The following ADRA1A variants were observed in gnomAD, a reference collection of about 807,000 sequenced individuals.
ADRA1A encodes the protein adrenoceptor alpha 1A.
A neutral mutation model predicts 29.6 loss-of-function variants in ADRA1A; 31 were observed. The observed-to-expected ratio is 1.05, with a 90% CI of 0.79 to 1.41. The LOEUF is 1.41. ADRA1A is among the 40% of genes most tolerant of loss of function. ADRA1A has a pLI of 0.00. For missense variants in ADRA1A, 619 were observed against 601.1 expected, an observed-to-expected ratio of 1.03 and a Z score of -0.31; for synonymous variants, 311 against 254.3, an observed-to-expected ratio of 1.22 and a Z score of -2.12.
chr8:26,754,664 T>C (rs188647410), downstream of ADRA1A, among the ~76,000 whole-genome samples: 90 of 152,230 alleles, frequency 5.9e-4, no homozygotes, highest in Admixed American at 1.6e-3. Context: ...ACCGGGTTCA[T>C]GGTTAAATGG....
chr8:26,759,402 C>T (rs1026454621), intron 2 of ADRA1A, among the ~76,000 whole-genome samples: 2 of 152,056 alleles, frequency 1.3e-5, no homozygotes, highest in African/African-American at 2.4e-5. Context: ...AGAAAACTAG[C>T]AATGGATTGT....
intron 2 of ADRA1A, among the ~76,000 whole-genome samples, chr8:26,819,201 C>T (rs1809980211): frequency 6.6e-6 from 1 of 152,104 alleles, no homozygotes; most frequent in African/African-American, 2.4e-5. Context: ...AGACTGCCAA[C>T]AAAGCTGTCC....
In ADRA1A at chr8:26,769,856, A is replaced by C. The variant is rs1806008442; in HGVS notation, c.*293T>G. On this transcript the variant is annotated 3_prime_UTR_variant, in exon 3 of 3. Transcript: ENST00000380573. ...TTTATAGTCTTTTGGATTGTGCATG[A>C]AATTCTGTTTCCCATGGTGGTTTTC... 43 of 1,151,688 alleles carry C rather than the reference A, an allele frequency of 3.7e-5. No individual in the cohort carries two copies. Among genetic ancestry groups the C allele is most frequent in the Non-Finnish European group, 4.6e-5 (43 of 936,272 alleles). 71.3% of individuals were successfully genotyped at this position (1,151,688 alleles called of 1,614,324 possible). A position where few individuals can be genotyped will look rare whatever the true frequency, so the allele number is the denominator to read the frequency against.
intron 2 of ADRA1A, among the ~76,000 whole-genome samples, chr8:26,799,339 T>C (rs376684604): frequency 1.3e-5 from 2 of 152,316 alleles, no homozygotes; most frequent in East Asian, 3.9e-4. Flanking sequence ...AACTGATCTC[T>C]GGGTGGAGAA....
At chr8:26,863,056 A>G (rs957054607) in intron 2 of ADRA1A, among the ~76,000 whole-genome samples, 4 of 152,250 alleles carry the variant, frequency 2.6e-5, no homozygotes, top group Admixed American at 2.6e-4. Flanking sequence ...AGAGTTGCAA[A>G]TTAAAGTACT....
intron 2 of ADRA1A, among the ~76,000 whole-genome samples, chr8:26,843,493 T>G (rs182149301): frequency 1.3e-5 from 2 of 152,282 alleles, no homozygotes; most frequent in East Asian, 3.9e-4. Flanking sequence ...GAGTGTAGGA[T>G]TGTCTATTTT....
intron 2 of ADRA1A, among the ~76,000 whole-genome samples, chr8:26,785,043 A>G (rs973204209): frequency 6.6e-6 from 1 of 152,216 alleles, no homozygotes; most frequent in Non-Finnish European, 1.5e-5. Flanking sequence ...ACTTATTGAG[A>G]AAGCAAAAAT....
At chr8:26,786,256 A>T (rs749856183) in intron 2 of ADRA1A, among the ~76,000 whole-genome samples, 23 of 148,496 alleles carry the variant, frequency 1.5e-4, no homozygotes, top group Non-Finnish European at 3.4e-4. Context: ...TTTTTTTGAG[A>T]TAAGGTCTCA....
intron 2 of ADRA1A, among the ~76,000 whole-genome samples, chr8:26,760,528 T>G (rs960758718): frequency 6.6e-6 from 1 of 152,198 alleles, no homozygotes; most frequent in Non-Finnish European, 1.5e-5. Flanking sequence ...GGCACCCATT[T>G]TTCAAGCCAG....
chr8:26,752,637 C>T (rs1440779653), downstream of ADRA1A, among the ~76,000 whole-genome samples: 1 of 152,130 alleles, frequency 6.6e-6, no homozygotes, highest in African/African-American at 2.4e-5. Flanking sequence ...CTCTTTTGCC[C>T]TAACTGCCTA....
chr8:26,771,171 T>C (rs1056022713), intron 2 of ADRA1A, among the ~76,000 whole-genome samples: 1 of 152,230 alleles, frequency 6.6e-6, no homozygotes, highest in African/African-American at 2.4e-5. Context: ...GATGAGAATC[T>C]CAACTTTACA....
chr8:26,792,480 A>G (rs978242973), intron 2 of ADRA1A, among the ~76,000 whole-genome samples: 10 of 151,800 alleles, frequency 6.6e-5, no homozygotes, highest in African/African-American at 2.2e-4. Flanking sequence ...TTCATCACCA[A>G]TTCTGGATAA....
At chr8:26,762,882 C>T (rs140470901), downstream of ADRA1A, among the ~76,000 whole-genome samples, 746 of 152,232 alleles carry the variant, frequency 4.9e-3, 8 homozygotes, top group African/African-American at 0.017. This position sits in a 1 kb window ranked among gnomAD's most constrained non-coding sequence, Gnocchi z 4.0. Flanking sequence ...TCTTTCTCTT[C>T]CTCGTTGCCC....
At chr8:26,832,139 C>G (rs1811017967) in intron 2 of ADRA1A, among the ~76,000 whole-genome samples, 1 of 152,164 alleles carries the variant, frequency 6.6e-6, no homozygotes, top group Non-Finnish European at 1.5e-5. Flanking sequence ...AAGTTGGGAA[C>G]GAAGTCTTTG....
downstream of ADRA1A, among the ~76,000 whole-genome samples, chr8:26,768,056 A>G (rs1346216595): frequency 1.3e-5 from 2 of 152,200 alleles, no homozygotes; most frequent in African/African-American, 2.4e-5. Flanking sequence ...CTGAATATGT[A>G]TCTGGCCAGT....
intron 2 of ADRA1A, among the ~76,000 whole-genome samples, chr8:26,856,116 T>G (rs545009735): frequency 2.7e-4 from 41 of 152,372 alleles, no homozygotes; most frequent in African/African-American, 9.9e-4. Context: ...TTGACAGATT[T>G]GTCTTGTGGA....
chr8:26,751,069 C>CAAAAAAAAAA (rs35234230), intron 2 of ADRA1A, among the ~76,000 whole-genome samples: 1 of 138,324 alleles, frequency 7.2e-6, no homozygotes. Context: ...AACTCTGTCT[C>CAAAAAAAAAA]AAAAAAAAAA....
chr8:26,852,351 A>G (rs1397480304), intron 2 of ADRA1A, among the ~76,000 whole-genome samples: 1 of 152,184 alleles, frequency 6.6e-6, no homozygotes, highest in African/African-American at 2.4e-5. Context: ...GAAAAGCAAA[A>G]TATAACCAGA....
rs1394977476 is a variant in ADRA1A at position 26,864,744 on chromosome 8, T to A, written c.226A>T (p.Thr76Ser). The change falls in exon 2 of 3, where the codon ACC becomes TCC. Residue 76 changes from threonine (T) to serine (S), a missense_variant. By Grantham distance (58) the Thr-to-Ser change is moderately conservative. Transcript: ENST00000380573. This position sits in a 1 kb window ranked among gnomAD's most constrained non-coding sequence, Gnocchi z 8.1. ...VNLAVADLLL[T>S]STVLPFSAIF... The stretch of plus-strand genomic sequence containing the variant: ...GCGGAGAAGGGCAGCACCGTGGAGG[T>A]GAGCAGGAGGTCGGCCACCGCCAGG... 2 of 1,613,562 alleles carry A rather than the reference T, an allele frequency of 1.2e-6. No individual in the cohort carries two copies. Among genetic ancestry groups the A allele is most frequent in the Non-Finnish European group, 1.7e-6 (2 of 1,179,916 alleles).
Sources: gnomAD v4.1 joint callset for allele counts (sites outside exome capture counted in the v4.1 genomes callset) on GRCh38, gnomAD v4.1.1 for gene constraint, Gnocchi (gnomAD v3.1) non-coding constraint, MANE v1.5 for transcripts, NCBI Gene and HGNC (gene_info 2026-07-23, HGNC 2026-07-21) for gene names.